Variants in TMPRSS6 observed in about 807,000 individuals in gnomAD.
The protein encoded by TMPRSS6 is transmembrane serine protease 6.
In TMPRSS6, 67 loss-of-function variants were observed where a neutral mutation model predicts 101.5. That is an observed-to-expected ratio of 0.66 (90% confidence interval 0.54 to 0.81). The LOEUF is 0.81. Among genes scored for constraint, TMPRSS6 ranks in the 30% least tolerant of loss-of-function variants. The pLI, the probability that TMPRSS6 is intolerant of heterozygous loss-of-function variation, is 0.00. For synonymous variants in TMPRSS6, 453 were observed against 464.9 expected (o/e 0.97, Z 0.33); for missense variants, 1,034 against 1,088.7 (o/e 0.95, Z 0.71).
chr22:37,098,390 C>T (rs959068687), intron 3 of TMPRSS6, 26 bp downstream of exon 3: 4 of 1,613,986 alleles, frequency 2.5e-6, no homozygotes, highest in Non-Finnish European at 3.4e-6. Context: ...TATTCCCTCC[C>T]TCTCATCCCC....
In TMPRSS6 at chr22:37,075,244, C is replaced by A. The variant is rs763766176; in HGVS notation, c.1233G>T (p.Glu411Asp). ...CGLRILQPYA[E>D]RIPVVATAGI... is the part of the protein sequence containing the mutation. ...CGGCCGTGGCCACCACGGGGATCCTCTCGGCGTAGGGCTGCAGGATGCGCA... is the reference window on the plus strand; with the variant it reads ...CGGCCGTGGCCACCACGGGGATCCTATCGGCGTAGGGCTGCAGGATGCGCA... Residue 411 changes from glutamate (E) to aspartate (D), a missense_variant, in exon 11 of 18, where the codon GAG (glutamate) becomes GAT (aspartate). By Grantham distance (45) the Glu-to-Asp change is conservative (BLOSUM62 2). Coordinates refer to ENST00000676104, the MANE Select transcript of TMPRSS6 (RefSeq NM_001374504.1). 3 of 1,613,752 alleles carry A rather than the reference C, an allele frequency of 1.9e-6. No homozygotes were observed. In the East Asian group the frequency reaches 6.7e-5, roughly 36 times the overall value.
rs1335529893 is a variant in TMPRSS6, at chr22:37,101,415, G to A, written c.202+1801C>T. Among the ~76,000 whole-genome samples, 1 of 152,060 alleles carries A rather than the reference G, an allele frequency of 6.6e-6. No homozygotes were observed. Among genetic ancestry groups the A allele is most frequent in the Non-Finnish European group, 1.5e-5 (1 of 67,980 alleles). Reference sequence around the variant, plus strand: ...TTAAGGGTCCTGCTACCATCCTTAGGAAGCCAGCCACACCCTCTCCTCGGG... The same window carrying A: ...TTAAGGGTCCTGCTACCATCCTTAGAAAGCCAGCCACACCCTCTCCTCGGG... On this transcript the variant is annotated intron_variant, in intron 2 of 17. Coordinates refer to ENST00000676104, the MANE Select transcript of TMPRSS6 (RefSeq NM_001374504.1). The surrounding 1 kb of genome is among the most constrained non-coding windows in gnomAD (Gnocchi z 4.1).
chr22:37,103,470 C>G lies in TMPRSS6; in HGVS notation c.-1-52G>C. On this transcript the variant is annotated intron_variant, in intron 1 of 17. Coordinates refer to ENST00000676104, the MANE Select transcript of TMPRSS6 (RefSeq NM_001374504.1). The surrounding 1 kb of genome is among the most constrained non-coding windows in gnomAD (Gnocchi z 4.4). ...AAACAGCCTCGCATTTGCAAGGGAG[C>G]CTCTGCTGAGCACCGGTGGGGCACG... 1 of 1,614,212 alleles carries G rather than the reference C, an allele frequency of 6.2e-7. No homozygotes were observed. Among genetic ancestry groups the G allele is most frequent in the Non-Finnish European group, 8.5e-7 (1 of 1,180,044 alleles).
At chr22:37,083,117 T>C (rs1040309004) in intron 10 of TMPRSS6, 2 of 470,558 alleles carry the variant, frequency 4.3e-6, no homozygotes, top group East Asian at 1.4e-4. Context: ...AAATCTTTCA[T>C]ACTAGACTCT....
chr22:37,103,545 G>A lies in TMPRSS6; in HGVS notation c.-1-127C>T, dbSNP rs370297654. ...GAGTGGAAGAGTAACAACATCAGGCGGCAGTGACTGCAAGTGGGTGCCGAG... is the reference window on the plus strand; with the variant it reads ...GAGTGGAAGAGTAACAACATCAGGCAGCAGTGACTGCAAGTGGGTGCCGAG... On this transcript the variant is annotated intron_variant, in intron 1 of 17. Transcript: ENST00000676104. This position sits in a 1 kb window ranked among gnomAD's most constrained non-coding sequence, Gnocchi z 4.4. 51 of 1,613,956 alleles carry A rather than the reference G, an allele frequency of 3.2e-5. No homozygotes were observed. Among genetic ancestry groups the A allele is most frequent in the African/African-American group, 8.0e-5 (6 of 75,054 alleles).
chr22:37,075,307 G>A (rs1301288397), intron 10 of TMPRSS6, 27 bp from the exon 11 acceptor site: 1 of 1,612,350 alleles, frequency 6.2e-7, no homozygotes, highest in South Asian at 1.1e-5. Flanking sequence ...ACGACTCAGG[G>A]CTGCACTGGC....
At position 37,084,378 on chromosome 22, in the gene TMPRSS6, G is replaced by C; in HGVS notation, c.1113C>G (p.Ala371=). ...TCAGTGCATAGGCATCAAACCAGAG[G>C]GCCAAGCCGTAGTCCAGAGAGGGCA... is the stretch of plus-strand genomic sequence containing the variant. ...LTVPSLDYGL[A]LWFDAYALRR... is the part of the protein sequence containing the mutation. Residue 371 remains alanine (A), a synonymous_variant, in exon 10 of 18, where the codon GCC becomes GCG. Coordinates refer to ENST00000676104, the MANE Select transcript of TMPRSS6 (RefSeq NM_001374504.1). 6.2e-7 allele frequency: 1 copy of C among 1,612,872 alleles called. No individual in the cohort carries two copies. The highest frequency in any genetic ancestry group is 8.5e-7 in the Non-Finnish European group (1 of 1,179,440).
In TMPRSS6 at chr22:37,101,656, C is replaced by A. The variant is rs1442832637; in HGVS notation, c.202+1560G>T. The stretch of plus-strand genomic sequence containing the variant: ...AATCCCTCTGTGGGGGAGTTGGCTT[C>A]CCCCAGCAGAGGCTTGGGAGCACTC... On this transcript the variant is annotated intron_variant, in intron 2 of 17. Transcript: ENST00000676104. This position sits in a 1 kb window ranked among gnomAD's most constrained non-coding sequence, Gnocchi z 4.1. 6.6e-6 allele frequency among the ~76,000 whole-genome samples: 1 copy of A among 152,136 alleles called. No individual in the cohort carries two copies. Among genetic ancestry groups the A allele is most frequent in the Non-Finnish European group, 1.5e-5 (1 of 68,004 alleles).
At chr22:37,105,944 C>G (rs1017932678) in intron 1 of TMPRSS6, among the ~76,000 whole-genome samples, 3 of 152,188 alleles carry the variant, frequency 2.0e-5, no homozygotes, top group Non-Finnish European at 4.4e-5. Flanking sequence ...GCCACCATAC[C>G]TGGCCCTGTT....
intron 10 of TMPRSS6, among the ~76,000 whole-genome samples, chr22:37,079,540 G>A (rs1486246259): frequency 6.6e-6 from 1 of 152,216 alleles, no homozygotes; most frequent in Non-Finnish European, 1.5e-5. Context: ...AAAGGGGAAG[G>A]AGGGTCACAG....
chr22:37,071,370 T>C (rs1019791461), intron 13 of TMPRSS6, among the ~76,000 whole-genome samples: 2 of 152,192 alleles, frequency 1.3e-5, no homozygotes, highest in African/African-American at 4.8e-5. Flanking sequence ...CCTGGCAATC[T>C]CCCAGGCTCT....
At chr22:37,072,954 G>A (rs1927247225) in intron 13 of TMPRSS6, among the ~76,000 whole-genome samples, 2 of 143,056 alleles carry the variant, frequency 1.4e-5, no homozygotes, top group East Asian at 2.3e-4. Flanking sequence ...TGATCGATGG[G>A]TGGATGACGG....
chr22:37,089,504 G>T (rs763737550), intron 7 of TMPRSS6, 74 bp downstream of exon 7: 48 of 1,405,752 alleles, frequency 3.4e-5, no homozygotes, highest in Middle Eastern at 2.3e-4. Context: ...AGAATGCTGT[G>T]TGTGACTTTC....
At chr22:37,070,681 A>G in intron 14 of TMPRSS6, 29 bp from the exon 15 acceptor site, 1 of 1,605,848 alleles carries the variant, frequency 6.2e-7, no homozygotes, top group South Asian at 1.1e-5. Context: ...GGTGGGGTGG[A>G]CAGAGGAGGA....
chr22:37,066,855 A>G lies in TMPRSS6; in HGVS notation c.2221T>C (p.Tyr741His). 2 of 1,614,152 alleles carry G rather than the reference A, an allele frequency of 1.2e-6. No individual in the cohort carries two copies. The highest frequency in any genetic ancestry group is 4.5e-5 in the East Asian group (2 of 44,882). The change falls in exon 17 of 18, where the codon TAC becomes CAC. Residue 741 changes from tyrosine (Y) to histidine (H), a missense_variant. Tyr to His is a moderately conservative substitution (Grantham distance 83). Transcript: ENST00000676104. The stretch of plus-strand genomic sequence containing the variant: ...CAGGCATCCTTCTTGCCCTTGCGGT[A>G]GCCGGCACACAGCATGCGTGGCGTC... Reference protein sequence around the residue: ...QVTPRMLCAGYRKGKKDACQG... With the variant: ...QVTPRMLCAGHRKGKKDACQG...
Position 37,066,124 on chromosome 22 carries a change from G to C in TMPRSS6, c.2365C>G (p.Arg789Gly). ...ATCCAGCTGATCACACCTGTGATGC[G>C]GGTGTAGACGCCGAAGTAGTTAGGC... The part of the protein sequence containing the change: ...GRPNYFGVYT[R>G]ITGVISWIQQ... Residue 789 changes from arginine (R) to glycine (G), a missense_variant, in exon 18 of 18, where the codon CGC (arginine) becomes GGC (glycine). Coordinates refer to ENST00000676104, the MANE Select transcript of TMPRSS6 (RefSeq NM_001374504.1). The C allele has an allele frequency of 6.2e-7, 1 of 1,613,530 alleles. No individual in the cohort carries two copies. The highest frequency in any genetic ancestry group is 8.5e-7 in the Non-Finnish European group (1 of 1,180,022).
At chr22:37,073,122 TGATGGATG>T (rs1398144096) in intron 13 of TMPRSS6, among the ~76,000 whole-genome samples, 2 of 91,312 alleles carry the variant, frequency 2.2e-5, no homozygotes, top group African/African-American at 1.0e-4. Flanking sequence ...GACGGATGGA[TGATGGATG>T]GGTGGATGGG....
At chr22:37,108,793 C>T (rs1930875589) in intron 1 of TMPRSS6, among the ~76,000 whole-genome samples, 1 of 152,112 alleles carries the variant, frequency 6.6e-6, no homozygotes, top group South Asian at 2.1e-4. Flanking sequence ...TCAGCCAGGG[C>T]AGAGCAGAGC....
At chr22:37,100,532 G>A (rs1195355253) in intron 2 of TMPRSS6, among the ~76,000 whole-genome samples, 1 of 152,184 alleles carries the variant, frequency 6.6e-6, no homozygotes, top group African/African-American at 2.4e-5. Flanking sequence ...AAGTGGGGCT[G>A]GGTGGAAAAG....
Sources: gnomAD v4.1 joint callset for allele counts (sites outside exome capture counted in the v4.1 genomes callset) on GRCh38, gnomAD v4.1.1 for gene constraint, Gnocchi (gnomAD v3.1) non-coding constraint, MANE v1.5 for transcripts, NCBI Gene and HGNC (gene_info 2026-07-23, HGNC 2026-07-21) for gene names.